Variants in STARD13 observed in about 807,000 individuals in gnomAD.
The protein encoded by STARD13 is StAR related lipid transfer domain containing 13, also known as stAR-related lipid transfer protein 13.
In STARD13, 62 loss-of-function variants were observed where a neutral mutation model predicts 106.4. The ratio of observed to expected loss-of-function variants is 0.58; its 90% CI spans 0.48 to 0.72. The LOEUF is 0.72. STARD13 is among the 30% of genes least tolerant of loss of function. STARD13 has a pLI of 0.00. For synonymous variants in STARD13, 565 were observed against 553.0 expected, an observed-to-expected ratio of 1.02 and a Z score of -0.31; for missense variants, 1,387 against 1,424.0, an observed-to-expected ratio of 0.97 and a Z score of 0.42.
intron 1 of STARD13, among the ~76,000 whole-genome samples, chr13:33,182,454 C>G (rs1885332988): frequency 6.6e-6 from 1 of 152,180 alleles, no homozygotes; most frequent in Admixed American, 6.5e-5. Flanking sequence ...AAACTCCTAC[C>G]CTCCTCCCCA....
chr13:33,429,765 G>GT, the STARD13 span, among the ~76,000 whole-genome samples: 1 of 152,158 alleles, frequency 6.6e-6, no homozygotes. Flanking sequence ...ACCGGAGGCT[G>GT]GCAAGGGTAG....
chr13:33,551,608 T>TTTTTTTTG, the STARD13 span, among the ~76,000 whole-genome samples: 1 of 93,928 alleles, frequency 1.1e-5, no homozygotes, highest in Admixed American at 1.3e-4. Context: ...TTTTTTTTTT[T>TTTTTTTTG]TTTTTTTTGA....
the STARD13 span, among the ~76,000 whole-genome samples, chr13:33,464,110 A>T: frequency 6.6e-6 from 1 of 151,090 alleles, no homozygotes; most frequent in African/African-American, 2.4e-5. Flanking sequence ...TGACTGAACT[A>T]TATATTCATC....
intron 1 of STARD13, among the ~76,000 whole-genome samples, chr13:33,298,337 C>T (rs1892580671): frequency 1.4e-5 from 2 of 147,810 alleles, no homozygotes; most frequent in Admixed American, 6.8e-5. Flanking sequence ...GACAGGGTTT[C>T]ACCATGTTGG....
chr13:33,605,443 A>G, the STARD13 span, among the ~76,000 whole-genome samples: 1 of 151,388 alleles, frequency 6.6e-6, no homozygotes, highest in South Asian at 2.1e-4. Context: ...GTTTTCTAAG[A>G]CAGAGCTTCT....
intron 1 of STARD13, among the ~76,000 whole-genome samples, chr13:33,196,874 T>G (rs1055844346): frequency 6.6e-6 from 1 of 152,230 alleles, no homozygotes; most frequent in Non-Finnish European, 1.5e-5. Context: ...ACTGAACTAG[T>G]GTAAAATTGT....
chr13:33,409,536 C>T, the STARD13 span, among the ~76,000 whole-genome samples: 13 of 152,166 alleles, frequency 8.5e-5, no homozygotes, highest in Non-Finnish European at 1.3e-4. Context: ...TGCATCATAA[C>T]GTTCTTGCTT....
chr13:33,610,416 T>G, the STARD13 span, among the ~76,000 whole-genome samples: 1 of 152,234 alleles, frequency 6.6e-6, no homozygotes, highest in Non-Finnish European at 1.5e-5. Flanking sequence ...CTCATTTTAT[T>G]TTGCATTTTG....
At chr13:33,387,571 A>C in the STARD13 span, among the ~76,000 whole-genome samples, 15 of 152,160 alleles carry the variant, frequency 9.9e-5, no homozygotes, top group Non-Finnish European at 2.1e-4. Flanking sequence ...TCCAATAGGG[A>C]TGGCATGAGT....
chr13:33,165,649 T>C (rs760852324), intron 2 of STARD13, among the ~76,000 whole-genome samples: 1 of 152,218 alleles, frequency 6.6e-6, no homozygotes, highest in Non-Finnish European at 1.5e-5. Flanking sequence ...TTGGATAGGA[T>C]TGAACACTAA....
intron 3 of STARD13, among the ~76,000 whole-genome samples, chr13:33,144,548 C>T (rs1264619952): frequency 6.6e-6 from 1 of 152,240 alleles, no homozygotes; most frequent in Non-Finnish European, 1.5e-5. Context: ...TGACTCTCCT[C>T]ATTTTCAACC....
chr13:33,507,522 T>C, the STARD13 span, among the ~76,000 whole-genome samples: 3 of 152,128 alleles, frequency 2.0e-5, no homozygotes, highest in African/African-American at 7.2e-5. Context: ...TTAAAAGGGC[T>C]CTTGAGGCCA....
the STARD13 span, among the ~76,000 whole-genome samples, chr13:33,423,639 G>A: frequency 6.6e-6 from 1 of 152,128 alleles, no homozygotes; most frequent in African/African-American, 2.4e-5. Context: ...AAAGACACAG[G>A]CACTCGCATG....
the STARD13 span, among the ~76,000 whole-genome samples, chr13:33,360,799 CTTTTT>C: frequency 4.2e-5 from 5 of 118,162 alleles, no homozygotes; most frequent in Admixed American, 4.4e-4. Flanking sequence ...TTTTTCTTTT[CTTTTT>C]TTTTTTTTTG....
intron 6 of STARD13, 72 bp from the exon 7 acceptor site, chr13:33,126,312 A>T (rs1877165735): frequency 6.7e-7 from 1 of 1,492,660 alleles, no homozygotes; most frequent in African/African-American, 1.4e-5. Context: ...GGAAGCAAGC[A>T]TGAGGGAAGC....
chr13:33,514,962 G>A, the STARD13 span, among the ~76,000 whole-genome samples: 4 of 152,152 alleles, frequency 2.6e-5, no homozygotes, highest in Non-Finnish European at 5.9e-5. Context: ...GTGGAGCCTC[G>A]GAAAGTGTGT....
the STARD13 span, chr13:33,439,737 A>T: frequency 2.2e-5 from 27 of 1,229,674 alleles, 1 homozygote; most frequent in South Asian, 3.3e-4. Context: ...GTAAAAAAAC[A>T]GTATCACTCT....
chr13:33,345,852 G>GA (rs917036536), downstream of STARD13, among the ~76,000 whole-genome samples: 1 of 150,908 alleles, frequency 6.6e-6, no homozygotes, highest in East Asian at 1.9e-4. Flanking sequence ...TGTTCAAGCA[G>GA]AAAAAAAAAG....
At chr13:33,655,591 A>G in the STARD13 span, among the ~76,000 whole-genome samples, 1 of 152,258 alleles carries the variant, frequency 6.6e-6, no homozygotes, top group South Asian at 2.1e-4. Flanking sequence ...TGGACCGGAG[A>G]CACTTTATGT....
Sources: gnomAD v4.1 joint callset for allele counts (sites outside exome capture counted in the v4.1 genomes callset) on GRCh38, gnomAD v4.1.1 for gene constraint, MANE v1.5 for transcripts, NCBI Gene and HGNC (gene_info 2026-07-23, HGNC 2026-07-21) for gene names.